Variants in CD164 observed in about 807,000 individuals in gnomAD.
The protein encoded by CD164 is CD164 molecule.
CD164 carries 11 observed loss-of-function variants against 24.6 expected under a neutral mutation model. The ratio of observed to expected loss-of-function variants is 0.45; its 90% CI spans 0.28 to 0.74. The LOEUF is 0.74. CD164 is among the 30% of genes least tolerant of loss of function. CD164 has a pLI of 0.13. For missense variants in CD164, 295 were observed against 243.7 expected (o/e 1.21, Z -1.40); for synonymous variants, 126 against 100.3 (o/e 1.26, Z -1.53).
At chr6:109,375,948 G>A in intron 4 of CD164, 126 bp downstream of exon 4, 2 of 709,686 alleles carry the variant, frequency 2.8e-6, no homozygotes, top group Non-Finnish European at 2.3e-6. Context: ...TGTGGTCCAA[G>A]ACTTTTAAGT....
At chr6:109,382,116 C>T in intron 1 of CD164, 88 bp downstream of exon 1, 1 of 1,209,334 alleles carries the variant, frequency 8.3e-7, no homozygotes, top group Admixed American at 4.2e-5. Flanking sequence ...CGACCGTGGC[C>T]CGAACCCGGG....
rs925553550 is a variant in CD164 at position 109,367,959 on chromosome 6, A to G, written c.*892T>C. On this transcript the variant is annotated 3_prime_UTR_variant, in exon 6 of 6. Transcript: ENST00000310786. The stretch of plus-strand genomic sequence containing the variant: ...TTTAGCTCTATACTTTTCAACAGCC[A>G]TAAGAAAAATGTTGGGAGGTTCAAG... The G allele has an allele frequency of 3.0e-5, 6 of 199,778 alleles. No individual in the cohort carries two copies. Among genetic ancestry groups the G allele is most frequent in the Admixed American group, 6.1e-5 (1 of 16,510 alleles). 12.4% of individuals were successfully genotyped at this position (199,778 alleles called of 1,614,324 possible). A position where few individuals can be genotyped will look rare whatever the true frequency, so the allele number is the denominator to read the frequency against.
chr6:109,379,837 C>A (rs1771635784), intron 1 of CD164, 175 bp from the exon 2 acceptor site: 2 of 553,788 alleles, frequency 3.6e-6, no homozygotes, highest in Non-Finnish European at 6.3e-6. Flanking sequence ...CATTACAAAG[C>A]TGTAAGTAAA....
chr6:109,370,382 T>C (rs755581387), intron 5 of CD164, 29 bp downstream of exon 5: 1 of 1,554,672 alleles, frequency 6.4e-7, no homozygotes, highest in Admixed American at 1.7e-5. Context: ...ACATCCTGCA[T>C]CATTGCTAAT....
chr6:109,368,247 A>ATT lies in CD164; in HGVS notation c.*603_*604insAA. 1 of 1,521,446 alleles carries ATT rather than the reference A, an allele frequency of 6.6e-7. No individual in the cohort carries two copies. The highest frequency in any genetic ancestry group is 8.8e-7 in the Non-Finnish European group (1 of 1,131,138). 94.2% of individuals were successfully genotyped at this position (1,521,446 alleles called of 1,614,324 possible). A position where few individuals can be genotyped will look rare whatever the true frequency, so the allele number is the denominator to read the frequency against. On this transcript the variant is annotated 3_prime_UTR_variant, in exon 6 of 6. Transcript: ENST00000310786. ...CATAAGATGCTTTACAAGTATGAAC[A>ATT]ATAATCTGTTATACACACTAATGGT...
intron 5 of CD164, 81 bp from the exon 6 acceptor site, chr6:109,369,098 T>G: frequency 8.1e-7 from 1 of 1,229,566 alleles, no homozygotes; most frequent in Non-Finnish European, 1.2e-6. Flanking sequence ...TGAGCCTCTA[T>G]TTTGCCATGT....
chr6:109,377,976 T>G lies in CD164; in HGVS notation c.260-5A>C. 6.2e-7 allele frequency: 1 copy of G among 1,612,158 alleles called. No individual in the cohort carries two copies. The highest frequency in any genetic ancestry group is 8.5e-7 in the Non-Finnish European group (1 of 1,178,894). ...TATGTGAACAATAGCTCTCATCTGTTGGGGGGCAGGGGAAAAGAGACAAAC... is the reference window on the plus strand; with the variant it reads ...TATGTGAACAATAGCTCTCATCTGTGGGGGGGCAGGGGAAAAGAGACAAAC... On this transcript the variant is annotated splice_polypyrimidine_tract_variant and splice_region_variant and intron_variant, in intron 2 of 5. Transcript: ENST00000310786.
intron 4 of CD164, chr6:109,371,042 A>C (rs1204759653): frequency 6.6e-6 from 1 of 152,534 alleles, no homozygotes; most frequent in Non-Finnish European, 1.5e-5. Flanking sequence ...CTGGGCCCAC[A>C]GTTCCCCAAC....
At chr6:109,374,547 T>TCTA (rs1425963825) in intron 4 of CD164, among the ~76,000 whole-genome samples, 1 of 152,174 alleles carries the variant, frequency 6.6e-6, no homozygotes, top group African/African-American at 2.4e-5. Context: ...ATCGTTCCAA[T>TCTA]CTACTCTCCA....
At chr6:109,370,546 T>G (rs775102293) in intron 4 of CD164, 79 bp from the exon 5 acceptor site, 7 of 1,256,198 alleles carry the variant, frequency 5.6e-6, no homozygotes, top group Non-Finnish European at 7.8e-6. Flanking sequence ...TAAAAAATAA[T>G]CCTGCCAACT....
chr6:109,375,709 T>C (rs747092647), intron 4 of CD164, among the ~76,000 whole-genome samples: 1 of 151,840 alleles, frequency 6.6e-6, no homozygotes, highest in African/African-American at 2.4e-5. Flanking sequence ...TAGATACACA[T>C]AAAAAAGACT....
At chr6:109,379,783 G>A in intron 1 of CD164, 121 bp from the exon 2 acceptor site, 1 of 664,844 alleles carries the variant, frequency 1.5e-6, no homozygotes, top group Non-Finnish European at 2.5e-6. Flanking sequence ...TACTAATTCA[G>A]ATAAATGATA....
intron 2 of CD164, among the ~76,000 whole-genome samples, chr6:109,378,436 G>C (rs1294085123): frequency 7.2e-6 from 1 of 138,140 alleles, no homozygotes; most frequent in Non-Finnish European, 1.6e-5. Context: ...ACAGAACTCT[G>C]TCTCAGGGAA....
At chr6:109,373,737 C>T (rs1203755935) in intron 4 of CD164, among the ~76,000 whole-genome samples, 3 of 152,174 alleles carry the variant, frequency 2.0e-5, no homozygotes, top group African/African-American at 7.2e-5. Context: ...CAACATCCTA[C>T]TTAGTCAATG....
In CD164 at chr6:109,370,401, C is replaced by T. The variant is rs748847735; in HGVS notation, c.427+10G>A. 6.2e-7 allele frequency: 1 copy of T among 1,605,100 alleles called. No individual in the cohort carries two copies. On this transcript the variant is annotated intron_variant, in intron 5 of 5. Coordinates refer to ENST00000310786, the MANE Select transcript of CD164 (RefSeq NM_006016.6). The stretch of plus-strand genomic sequence containing the variant: ...CCTGCATCATTGCTAATCTAAAAAG[C>T]CTCAATTACCTGATGTAGTAACTGT...
intron 1 of CD164, among the ~76,000 whole-genome samples, chr6:109,381,037 A>C (rs73762714): frequency 2.6e-5 from 4 of 152,358 alleles, no homozygotes; most frequent in African/African-American, 9.6e-5. Flanking sequence ...AATTTGTAGA[A>C]TATGAATGCC....
chr6:109,381,828 G>A (rs1278448368), intron 1 of CD164: 7 of 547,760 alleles, frequency 1.3e-5, no homozygotes, highest in Admixed American at 3.4e-5. Context: ...AACCTCAGAG[G>A]CGCGACGCCC....
At chr6:109,378,084 G>A in intron 2 of CD164, 113 bp from the exon 3 acceptor site, 1 of 809,530 alleles carries the variant, frequency 1.2e-6, no homozygotes, top group Admixed American at 2.2e-5. Flanking sequence ...GAAGTGGGCA[G>A]GGGGAACCAC....
At chr6:109,376,825 C>T (rs1468275712) in intron 3 of CD164, among the ~76,000 whole-genome samples, 1 of 152,208 alleles carries the variant, frequency 6.6e-6, no homozygotes, top group Non-Finnish European at 1.5e-5. Flanking sequence ...TTATCTAACA[C>T]ATATTAAAGT....
Sources: gnomAD v4.1 joint callset for allele counts (sites outside exome capture counted in the v4.1 genomes callset) on GRCh38, gnomAD v4.1.1 for gene constraint, MANE v1.5 for transcripts, NCBI Gene and HGNC (gene_info 2026-07-23, HGNC 2026-07-21) for gene names.